SCAPER: variants seen among roughly 807,000 people sequenced by gnomAD.
SCAPER encodes S phase cyclin A-associated protein in the endoplasmic reticulum.
SCAPER carries 98 observed loss-of-function variants against 182.2 expected under a neutral mutation model. The observed-to-expected ratio is 0.54, with a 90% confidence interval of 0.46 to 0.64. SCAPER has a LOEUF of 0.64. SCAPER is among the 30% of genes least tolerant of loss of function. SCAPER has a pLI of 0.00. For missense variants in SCAPER, 1,432 were observed against 1,690.0 expected (o/e 0.85, Z 2.68); for synonymous variants, 605 against 564.6 (o/e 1.07, Z -1.01).
intron 23 of SCAPER, 85 bp from the exon 24 acceptor site, chr15:76,505,059 G>GT: frequency 2.3e-6 from 2 of 883,948 alleles, no homozygotes; most frequent in Non-Finnish European, 3.6e-6. Flanking sequence ...GAAACATACT[G>GT]ATGGTTCAAC....
At chr15:76,371,170 T>G (rs1396161805) in intron 29 of SCAPER, among the ~76,000 whole-genome samples, 5 of 152,228 alleles carry the variant, frequency 3.3e-5, no homozygotes, top group African/African-American at 4.8e-5. Context: ...GAAGCCCAAC[T>G]GCTCATCTGT....
At chr15:76,352,152 G>A in intron 30 of SCAPER, among the ~76,000 whole-genome samples, 1 of 152,106 alleles carries the variant, frequency 6.6e-6, no homozygotes, top group East Asian at 1.9e-4. Context: ...AAGCCTCTCT[G>A]CCCACATCAT....
intron 15 of SCAPER, among the ~76,000 whole-genome samples, chr15:76,738,998 G>A (rs1193961372): frequency 6.6e-6 from 1 of 152,132 alleles, no homozygotes; most frequent in East Asian, 1.9e-4. Flanking sequence ...AACAATGCAT[G>A]CCTGTACAGA....
chr15:76,367,117 G>T (rs893554409), intron 29 of SCAPER, among the ~76,000 whole-genome samples: 3 of 152,212 alleles, frequency 2.0e-5, no homozygotes, highest in Non-Finnish European at 4.4e-5. Flanking sequence ...AGAGCTGAAA[G>T]GCTTCTTCAG....
intron 23 of SCAPER, among the ~76,000 whole-genome samples, chr15:76,526,385 C>A (rs1212341265): frequency 6.6e-6 from 1 of 152,176 alleles, no homozygotes; most frequent in Non-Finnish European, 1.5e-5. Context: ...TCTGTCTCTA[C>A]TCTAGTAGTT....
chr15:76,780,427 T>C (rs1348929718), intron 8 of SCAPER, among the ~76,000 whole-genome samples: 1 of 152,214 alleles, frequency 6.6e-6, no homozygotes, highest in Non-Finnish European at 1.5e-5. Context: ...ACTGCCTCTA[T>C]AGACTCCACC....
At chr15:76,712,968 A>G (rs2059671777) in intron 17 of SCAPER, among the ~76,000 whole-genome samples, 1 of 152,138 alleles carries the variant, frequency 6.6e-6, no homozygotes, top group Admixed American at 6.5e-5. Flanking sequence ...AGAACTTCCA[A>G]CACTATGTTG....
In SCAPER at chr15:76,885,855, G is replaced by A. The variant is rs530058661; in HGVS notation, c.-59-1979C>T. On this transcript the variant is annotated intron_variant, in intron 1 of 31. Transcript: ENST00000563290. ...GGAGTTCATCCCACCTTACAAAAAG[G>A]CTAAAAGAAGTTCTTCAAGTTGAAA... Among the ~76,000 whole-genome samples the A allele has an allele frequency of 5.5e-4, 84 of 152,270 alleles. 1 individual carries two copies. The South Asian group carries it at 9.9e-3, about 18-fold the overall frequency.
chr15:76,773,705 T>C (rs1260706761), intron 9 of SCAPER, among the ~76,000 whole-genome samples: 1 of 151,882 alleles, frequency 6.6e-6, no homozygotes, highest in African/African-American at 2.4e-5. Flanking sequence ...TTAAGAGTCA[T>C]TCTCATCAGT....
chr15:76,412,550 T>C (rs2045365687), intron 26 of SCAPER, among the ~76,000 whole-genome samples: 1 of 152,096 alleles, frequency 6.6e-6, no homozygotes, highest in Admixed American at 6.6e-5. Context: ...CCCCAAATAA[T>C]TGGACCGTAT....
At chr15:76,657,934 A>C (rs1350603063) in intron 21 of SCAPER, among the ~76,000 whole-genome samples, 5 of 152,140 alleles carry the variant, frequency 3.3e-5, no homozygotes, top group Non-Finnish European at 7.4e-5. Context: ...TTAGAACTGT[A>C]TATGTCAAAC....
intron 30 of SCAPER, among the ~76,000 whole-genome samples, chr15:76,351,642 ATCT>A (rs2040556739): frequency 6.6e-6 from 1 of 152,240 alleles, no homozygotes; most frequent in Non-Finnish European, 1.5e-5. Context: ...CTGCAGCTAA[ATCT>A]TAAAGTCTGG....
At chr15:76,877,408 C>G (rs1041924299) in intron 2 of SCAPER, among the ~76,000 whole-genome samples, 2 of 152,144 alleles carry the variant, frequency 1.3e-5, no homozygotes, top group African/African-American at 2.4e-5. Flanking sequence ...GATTCTAAAC[C>G]TAGTAAGTGA....
intron 20 of SCAPER, among the ~76,000 whole-genome samples, chr15:76,698,407 C>A (rs1000922561): frequency 1.3e-5 from 2 of 152,102 alleles, no homozygotes; most frequent in African/African-American, 4.8e-5. Flanking sequence ...ATTATAGCTA[C>A]CGTGAACTGG....
chr15:76,503,947 G>A (rs1306676680), intron 24 of SCAPER, among the ~76,000 whole-genome samples: 1 of 151,618 alleles, frequency 6.6e-6, no homozygotes, highest in African/African-American at 2.4e-5. Context: ...ATGTGGTGAT[G>A]CAATCATGGT....
At chr15:76,653,960 C>T (rs1400515757) in intron 21 of SCAPER, among the ~76,000 whole-genome samples, 2 of 152,064 alleles carry the variant, frequency 1.3e-5, no homozygotes, top group Non-Finnish European at 2.9e-5. Context: ...AACTATGCAT[C>T]CAACAAAGGC....
At chr15:76,774,386 C>A in intron 9 of SCAPER, 1 of 392,840 alleles carries the variant, frequency 2.5e-6, no homozygotes, top group South Asian at 1.9e-5. Flanking sequence ...CTGAGTAATT[C>A]CACACTGGAT....
chr15:76,376,085 C>T, intron 29 of SCAPER, 77 bp downstream of exon 29: 1 of 1,564,386 alleles, frequency 6.4e-7, no homozygotes, highest in East Asian at 2.3e-5. Flanking sequence ...AGCCCGCTAG[C>T]CTGCCTTTTC....
intron 4 of SCAPER, among the ~76,000 whole-genome samples, chr15:76,845,894 T>C (rs1342534715): frequency 6.6e-6 from 1 of 151,970 alleles, no homozygotes; most frequent in Non-Finnish European, 1.5e-5. Flanking sequence ...AAGGTTATCC[T>C]ACACGAAAAG....
Sources: gnomAD v4.1 joint callset for allele counts (sites outside exome capture counted in the v4.1 genomes callset) on GRCh38, gnomAD v4.1.1 for gene constraint, MANE v1.5 for transcripts, NCBI Gene and HGNC (gene_info 2026-07-23, HGNC 2026-07-21) for gene names.